ZAN: variants seen among roughly 807,000 people sequenced by gnomAD.
The protein encoded by ZAN is zonadhesin (gene/pseudogene).
In ZAN, 260 loss-of-function variants were observed where a neutral mutation model predicts 286.2. That is an observed-to-expected ratio of 0.91 (90% CI 0.82 to 1.01). The LOEUF (loss-of-function observed/expected upper bound fraction) is 1.01, where lower values mean the gene tolerates loss of function less well. Among genes scored for constraint, ZAN ranks in the 50% least tolerant of loss-of-function variants. ZAN has a pLI of 0.00. For synonymous variants in ZAN, 1,368 were observed against 1,417.5 expected, an observed-to-expected ratio of 0.97 and a Z score of 0.79; for missense variants, 3,410 against 3,639.2, an observed-to-expected ratio of 0.94 and a Z score of 1.62.
chr7:100,795,809 G>A (rs1438728892), intron 45 of ZAN, among the ~76,000 whole-genome samples: 1 of 152,034 alleles, frequency 6.6e-6, no homozygotes, highest in Non-Finnish European at 1.5e-5. Flanking sequence ...GGGAGGCTGA[G>A]GCAGGAGAAT....
At chr7:100,783,038 T>C (rs540909103) in intron 35 of ZAN, among the ~76,000 whole-genome samples, 15 of 152,066 alleles carry the variant, frequency 9.9e-5, no homozygotes, top group Non-Finnish European at 2.1e-4. Context: ...GAGGCCGAGG[T>C]GGGCGGATCA....
At chr7:100,749,651 A>T (rs11520987) in intron 11 of ZAN, among the ~76,000 whole-genome samples, 4,273 of 109,328 alleles carry the variant, frequency 0.039, 270 homozygotes, top group South Asian at 0.15. Context: ...AAAAAAAAAA[A>T]ATATATATAT....
At position 100,769,813 on chromosome 7, in the gene ZAN, C is replaced by A. The variant is rs1438106920; in HGVS notation, c.5154-67C>A. Reference sequence around the variant, plus strand: ...CCTCCTGCCTTGGCTTCCCAAAGTGCTGGGATTATAGGCATGAGCCACTGC... The same window carrying A: ...CCTCCTGCCTTGGCTTCCCAAAGTGATGGGATTATAGGCATGAGCCACTGC... On this transcript the variant is annotated intron_variant, in intron 27 of 47. Coordinates refer to ENST00000613979, the MANE Select transcript of ZAN (RefSeq NM_003386.3). 15 of 1,426,186 alleles carry A rather than the reference C, an allele frequency of 1.1e-5. No individual in the cohort carries two copies. In the Admixed American group the frequency reaches 2.6e-4, roughly 25 times the overall value. The allele number at this position is 1,426,186 out of a possible 1,614,324, so 88.3% of individuals were successfully genotyped here.
Position 100,767,037 on chromosome 7 carries a change from A to G in ZAN, c.4640A>G (p.Asp1547Gly), listed in dbSNP as rs1810023369. The change falls in exon 25 of 48, where the codon GAC becomes GGC. Residue 1547 changes from aspartate (D) to glycine (G), a missense_variant. Physicochemically the swap from Asp to Gly is moderately conservative, Grantham distance 94. This residue lies in a region of ZAN where 1,042 missense variants were observed against 1,058.0 expected (regional missense o/e 0.98). Coordinates refer to ENST00000613979, the MANE Select transcript of ZAN (RefSeq NM_003386.3). ...GCCGCCACCTGCACAGCCTCGGGTG[A>G]CCCCCACTACCTGACCTTCGATGGC... ...QGAATCTASGDPHYLTFDGAL... is the reference protein window; with the variant it reads ...QGAATCTASGGPHYLTFDGAL... 6.2e-7 allele frequency: 1 copy of G among 1,613,610 alleles called. No individual in the cohort carries two copies. Among genetic ancestry groups the G allele is most frequent in the African/African-American group, 1.3e-5 (1 of 74,930 alleles).
At chr7:100,738,879 C>CTCCTTCTCCTTCTCCT (rs1562911331) in intron 7 of ZAN, among the ~76,000 whole-genome samples, 3 of 42,342 alleles carry the variant, frequency 7.1e-5, no homozygotes, top group Non-Finnish European at 1.4e-4. Flanking sequence ...CTTCTTCTCC[C>CTCCTTCTCCTTCTCCT]TCTCCCTCTC....
chr7:100,795,832 G>A (rs1292962098), intron 45 of ZAN, among the ~76,000 whole-genome samples: 3 of 151,930 alleles, frequency 2.0e-5, no homozygotes, highest in Admixed American at 2.0e-4. Flanking sequence ...CTTGAACCTG[G>A]GAGGTGGAGG....
intron 18 of ZAN, among the ~76,000 whole-genome samples, 192 bp from the exon 19 acceptor site, chr7:100,760,198 AG>A (rs1809458095): frequency 2.0e-5 from 3 of 152,160 alleles, no homozygotes; most frequent in Admixed American, 6.5e-5. Context: ...TAGGCAACAT[AG>A]TAAGACACTG....
rs1206907480 is a variant in ZAN at position 100,769,986 on chromosome 7, C to G, written c.5248+12C>G. On this transcript the variant is annotated intron_variant, in intron 28 of 47. Coordinates refer to ENST00000613979, the MANE Select transcript of ZAN (RefSeq NM_003386.3). The stretch of plus-strand genomic sequence containing the variant: ...AATAAACCCTCAGGGTAAGACATGT[C>G]CCTGCTGGCCCTTTTTCCTCCCTGA... 1 of 1,554,292 alleles carries G rather than the reference C, an allele frequency of 6.4e-7. No individual in the cohort carries two copies. The highest frequency in any genetic ancestry group is 2.4e-5 in the East Asian group (1 of 41,412).
intron 38 of ZAN, 32 bp downstream of exon 38, chr7:100,788,168 G>A: frequency 6.9e-7 from 1 of 1,446,548 alleles, no homozygotes; most frequent in Non-Finnish European, 9.2e-7. Context: ...GGTGGGTGTG[G>A]GGAGGCAGCT....
rs562054358 is a variant in ZAN, at chr7:100,780,939, A to T, written c.6622+1189A>T. Among the ~76,000 whole-genome samples the T allele has an allele frequency of 7.2e-5, 11 of 152,204 alleles. No individual in the cohort carries two copies. In the South Asian group the frequency reaches 2.3e-3, roughly 32 times the overall value. On this transcript the variant is annotated intron_variant, in intron 35 of 47. Coordinates refer to ENST00000613979, the MANE Select transcript of ZAN (RefSeq NM_003386.3). ...ACCCCCGCATCGCTACAAAAAAATTAAAAAAACAAAAGACAAGAAAACTAT... is the reference window on the plus strand; with the variant it reads ...ACCCCCGCATCGCTACAAAAAAATTTAAAAAACAAAAGACAAGAAAACTAT...
intron 31 of ZAN, among the ~76,000 whole-genome samples, chr7:100,774,071 AC>A (rs1810591828): frequency 6.6e-6 from 1 of 152,152 alleles, no homozygotes. Context: ...TGTAGCGGCC[AC>A]CAACTTAGAT....
Position 100,770,300 on chromosome 7 carries a change from C to G in ZAN, c.5248+326C>G, listed in dbSNP as rs188801889. The stretch of plus-strand genomic sequence containing the variant: ...AGGGCAGATCCCGAGGTCAGGAGTT[C>G]GAGACCAGCCTGGCTAGCATGGTGA... On this transcript the variant is annotated intron_variant, in intron 28 of 47. Coordinates refer to ENST00000613979, the MANE Select transcript of ZAN (RefSeq NM_003386.3). Among the ~76,000 whole-genome samples the G allele has an allele frequency of 1.6e-3, 248 of 151,476 alleles. 1 individual carries two copies. The highest frequency in any genetic ancestry group is 5.8e-3 in the African/African-American group (241 of 41,366).
Position 100,736,790 on chromosome 7 carries a change from T to C in ZAN, c.254-19T>C. 6.8e-7 allele frequency: 1 copy of C among 1,464,534 alleles called. No individual in the cohort carries two copies. Among genetic ancestry groups the C allele is most frequent in the Non-Finnish European group, 9.3e-7 (1 of 1,078,868 alleles). 90.7% of individuals were successfully genotyped at this position (1,464,534 alleles called of 1,614,324 possible). On this transcript the variant is annotated intron_variant, in intron 4 of 47. Coordinates refer to ENST00000613979, the MANE Select transcript of ZAN (RefSeq NM_003386.3). ...CAGAGGTGGCTGGGCCTCAGTGTCT[T>C]GGGCTCTGCCTCCCCCAGAGGGCAG...
chr7:100,796,299 C>G (rs1490173101), intron 45 of ZAN, among the ~76,000 whole-genome samples: 1 of 152,050 alleles, frequency 6.6e-6, no homozygotes, highest in African/African-American at 2.4e-5. Flanking sequence ...GGCTTCTGGG[C>G]CAGTGGTTCT....
At chr7:100,749,657 T>A (rs867491978) in intron 11 of ZAN, among the ~76,000 whole-genome samples, 32,177 of 124,842 alleles carry the variant, frequency 0.26, 4,982 homozygotes, top group Non-Finnish European at 0.3. Flanking sequence ...AAAAAATATA[T>A]ATATATATAT....
chr7:100,738,957 C>T (rs1305582975), intron 7 of ZAN, among the ~76,000 whole-genome samples: 3 of 14,430 alleles, frequency 2.1e-4, no homozygotes, highest in Non-Finnish European at 2.8e-4. Context: ...CTCCCTCTCC[C>T]TCTCCCTCTC....
intron 14 of ZAN, among the ~76,000 whole-genome samples, chr7:100,754,324 TGGTG>T (rs760914396): frequency 4.6e-5 from 7 of 151,428 alleles, no homozygotes; most frequent in East Asian, 2.0e-4. Context: ...CTGAGCGTGG[TGGTG>T]GGTGCCTGTA....
At chr7:100,792,982 C>CAAAAAAAAAAAAAAAAAAAAAAAAAAA (rs1232116032) in intron 42 of ZAN, among the ~76,000 whole-genome samples, 4 of 50,962 alleles carry the variant, frequency 7.8e-5, no homozygotes, top group Admixed American at 1.5e-4. Flanking sequence ...CATCCTATCT[C>CAAAAAAAAAAAAAAAAAAAAAAAAAAA]AAAAAAAAAA....
intron 7 of ZAN, among the ~76,000 whole-genome samples, chr7:100,743,242 C>T (rs547564134): frequency 1.3e-5 from 2 of 151,962 alleles, no homozygotes; most frequent in African/African-American, 4.8e-5. Context: ...TCAGGGTGGT[C>T]TCGATCTTCT....
Sources: gnomAD v4.1 joint callset for allele counts (sites outside exome capture counted in the v4.1 genomes callset) on GRCh38, gnomAD v4.1.1 for gene constraint, gnomAD v4.1.1 regional missense constraint, MANE v1.5 for transcripts, NCBI Gene and HGNC (gene_info 2026-07-23, HGNC 2026-07-21) for gene names.